SUGP1: variants seen among roughly 807,000 people sequenced by gnomAD.
SUGP1 encodes SURP and G-patch domain-containing protein 1.
SUGP1 carries 34 observed loss-of-function variants against 76.5 expected under a neutral mutation model. The ratio of observed to expected loss-of-function variants is 0.44; its 90% CI spans 0.34 to 0.59. The LOEUF is 0.59. SUGP1 is among the 20% of genes least tolerant of loss of function. The probability of loss-of-function intolerance (pLI) is 0.01; values close to 1 mark genes in which losing one functional copy is unlikely to be tolerated. For synonymous variants in SUGP1, 326 were observed against 326.2 expected, an observed-to-expected ratio of 1.00 and a Z score of 0.01; for missense variants, 752 against 851.7, an observed-to-expected ratio of 0.88 and a Z score of 1.46.
intron 4 of SUGP1, among the ~76,000 whole-genome samples, chr19:19,305,278 C>T (rs2146618580): frequency 6.6e-6 from 1 of 152,344 alleles, no homozygotes; most frequent in Admixed American, 6.5e-5. Context: ...TGAATGTGGA[C>T]AGGGCTGGAC....
In SUGP1 at chr19:19,302,487, A is replaced by C. The variant is rs1340130409; in HGVS notation, c.764-99T>G. The C allele has an allele frequency of 6.6e-7, 1 of 1,511,856 alleles. No individual in the cohort carries two copies. The highest frequency in any genetic ancestry group is 1.3e-5 in the South Asian group (1 of 78,982). 93.7% of individuals were successfully genotyped at this position (1,511,856 alleles called of 1,614,324 possible). On this transcript the variant is annotated intron_variant, in intron 6 of 13. Transcript: ENST00000247001. ...GCAACAAGTGGGGTTTGTTTTAGGA[A>C]TGATGCAAAGAGAAACAGGCAAATG... is the stretch of plus-strand genomic sequence containing the variant.
chr19:19,313,676 T>C (rs910459978), intron 2 of SUGP1, among the ~76,000 whole-genome samples: 1 of 152,096 alleles, frequency 6.6e-6, no homozygotes, highest in African/African-American at 2.4e-5. Flanking sequence ...GCCACTGTAC[T>C]GCAGCCTGGG....
At chr19:19,309,497 T>C (rs1321907507) in intron 3 of SUGP1, among the ~76,000 whole-genome samples, 2 of 152,022 alleles carry the variant, frequency 1.3e-5, no homozygotes, top group Non-Finnish European at 1.5e-5. Flanking sequence ...CAAAAATTAC[T>C]GGCCGGGCGG....
At chr19:19,286,770 G>A (rs1020752933) in intron 8 of SUGP1, among the ~76,000 whole-genome samples, 2 of 152,106 alleles carry the variant, frequency 1.3e-5, no homozygotes, top group African/African-American at 2.4e-5. Context: ...CTGGCCAGGC[G>A]CAGCGGGTCA....
chr19:19,292,272 CAAAA>C (rs543248625), intron 8 of SUGP1, among the ~76,000 whole-genome samples: 4 of 61,130 alleles, frequency 6.5e-5, no homozygotes, highest in Admixed American at 1.7e-4. Flanking sequence ...GACTCCGTCT[CAAAA>C]AAAAAAAAAA....
chr19:19,316,215 G>A (rs59461248), intron 2 of SUGP1: 20 of 615,414 alleles, frequency 3.2e-5, no homozygotes, highest in African/African-American at 1.8e-4. Context: ...GAGTGGATGA[G>A]TTGGCAGGCT....
intron 2 of SUGP1, among the ~76,000 whole-genome samples, chr19:19,314,809 C>T (rs1166188106): frequency 6.6e-6 from 1 of 152,072 alleles, no homozygotes; most frequent in South Asian, 2.1e-4. Context: ...CTGAGAGGGG[C>T]GGATCACCTG....
intron 6 of SUGP1, 40 bp from the exon 7 acceptor site, chr19:19,302,428 C>T (rs77674373): frequency 3.1e-6 from 5 of 1,600,504 alleles, no homozygotes; most frequent in South Asian, 1.1e-5. Context: ...ACTCACCACA[C>T]CCAACAGCCT....
At chr19:19,277,479 C>T (rs1389374456) in intron 12 of SUGP1, among the ~76,000 whole-genome samples, 1 of 152,162 alleles carries the variant, frequency 6.6e-6, no homozygotes, top group Non-Finnish European at 1.5e-5. Flanking sequence ...CCTGACCCAT[C>T]TGTACCCTCA....
chr19:19,306,175 C>G, intron 3 of SUGP1, 99 bp from the exon 4 acceptor site: 1 of 1,209,248 alleles, frequency 8.3e-7, no homozygotes, highest in Non-Finnish European at 1.1e-6. Flanking sequence ...GGAGCTGGGT[C>G]CTTGACTTCC....
chr19:19,277,959 T>A, intron 11 of SUGP1, 80 bp from the exon 12 acceptor site: 1 of 1,563,340 alleles, frequency 6.4e-7, no homozygotes, highest in South Asian at 1.2e-5. Flanking sequence ...GCCTTTGGTT[T>A]CAATCAGTGC....
chr19:19,317,495 G>C (rs2061403366), intron 1 of SUGP1, among the ~76,000 whole-genome samples: 1 of 152,082 alleles, frequency 6.6e-6, no homozygotes, highest in Non-Finnish European at 1.5e-5. Context: ...TGATGGAGAA[G>C]CACTAAGATG....
At chr19:19,301,179 G>C (rs368259647) in intron 7 of SUGP1, among the ~76,000 whole-genome samples, 5 of 152,082 alleles carry the variant, frequency 3.3e-5, no homozygotes, top group Admixed American at 6.6e-5. Flanking sequence ...CACCTGTCGG[G>C]GGGGCCTCCA....
intron 8 of SUGP1, among the ~76,000 whole-genome samples, chr19:19,291,763 G>A (rs913424834): frequency 6.6e-6 from 1 of 151,738 alleles, no homozygotes; most frequent in African/African-American, 2.4e-5. Context: ...GCTTGGTGGC[G>A]GCGCCTGTAG....
chr19:19,290,218 G>A (rs1306583164), intron 8 of SUGP1, among the ~76,000 whole-genome samples: 1 of 152,210 alleles, frequency 6.6e-6, no homozygotes, highest in Non-Finnish European at 1.5e-5. Flanking sequence ...CCAAGTGATG[G>A]AGGAAGGCTG....
chr19:19,315,028 A>C (rs1380757908), intron 2 of SUGP1, among the ~76,000 whole-genome samples: 2 of 151,472 alleles, frequency 1.3e-5, no homozygotes, highest in East Asian at 3.9e-4. Context: ...AAAAAGAAAA[A>C]GAAAGAAGAA....
At chr19:19,309,994 C>CG in intron 3 of SUGP1, 103 bp downstream of exon 3, 1 of 771,812 alleles carries the variant, frequency 1.3e-6, no homozygotes, top group East Asian at 2.6e-5. Context: ...CTATGATTAC[C>CG]GGTGAGCAGG....
intron 8 of SUGP1, among the ~76,000 whole-genome samples, chr19:19,283,665 G>A (rs984169743): frequency 2.0e-5 from 3 of 152,242 alleles, no homozygotes; most frequent in African/African-American, 4.8e-5. Flanking sequence ...ATACTGGCCA[G>A]GCTGGTCTCA....
Position 19,303,375 on chromosome 19 carries a change from G to A in SUGP1, c.736C>T (p.Gln246Ter), listed in dbSNP as rs2061287038. 1 of 1,614,044 alleles carries A rather than the reference G, an allele frequency of 6.2e-7. No individual in the cohort carries two copies. The highest frequency in any genetic ancestry group is 8.5e-7 in the Non-Finnish European group (1 of 1,180,024). The change falls in exon 6 of 14, where the codon CAG becomes TAG. Residue 246 changes from glutamine (Q) to a stop codon, truncating the protein, a stop_gained. Transcript: ENST00000247001. LOFTEE classifies it high-confidence loss of function. Reference sequence around the variant, plus strand: ...TTCTGAGAGGCTGCCTGCGACTTCTGTGCTTCCTTTCTTATCTCAGCCACC... The same window carrying A: ...TTCTGAGAGGCTGCCTGCGACTTCTATGCTTCCTTTCTTATCTCAGCCACC... ...KKVAEIRKEA[Q>*]KSQAASQKVS...
Sources: allele counts gnomAD v4.1 joint callset (sites outside exome capture counted in the v4.1 genomes callset), GRCh38; gene constraint gnomAD v4.1.1; transcripts MANE v1.5; gene names NCBI Gene and HGNC (gene_info 2026-07-23, HGNC 2026-07-21).